The following NRG3 variants were observed in gnomAD, a reference collection of about 807,000 sequenced individuals.
NRG3 encodes the protein pro-neuregulin-3, membrane-bound isoform.
A neutral mutation model predicts 66.9 loss-of-function variants in NRG3; 31 were observed. The ratio of observed to expected loss-of-function variants is 0.46; its 90% CI spans 0.35 to 0.63. The LOEUF is 0.63. Ranked by LOEUF, NRG3 falls within the 20% of genes least tolerant of loss-of-function variation. NRG3 has a pLI of 0.00. For synonymous variants in NRG3, 393 were observed against 359.4 expected, an observed-to-expected ratio of 1.09 and a Z score of -1.06; for missense variants, 910 against 878.9, an observed-to-expected ratio of 1.04 and a Z score of -0.45.
At chr10:82,357,287 C>T (rs1263600176) in intron 1 of NRG3, among the ~76,000 whole-genome samples, 5 of 152,140 alleles carry the variant, frequency 3.3e-5, no homozygotes, top group Non-Finnish European at 7.3e-5. Flanking sequence ...TAAAGTTATT[C>T]CCACAGGAGA....
intron 1 of NRG3, among the ~76,000 whole-genome samples, chr10:82,177,262 A>G (rs1479522530): frequency 2.0e-5 from 3 of 151,914 alleles, no homozygotes; most frequent in Admixed American, 2.0e-4. Context: ...GTGTTTTTTA[A>G]TCTAAGGAGA....
At chr10:82,120,109 A>G (rs1791560182) in intron 1 of NRG3, among the ~76,000 whole-genome samples, 2 of 152,164 alleles carry the variant, frequency 1.3e-5, no homozygotes, top group South Asian at 4.1e-4. Flanking sequence ...ATTCAGGAAA[A>G]GAACTCTTTG....
chr10:81,935,912 CACACACA>C (rs1463014174), intron 1 of NRG3, among the ~76,000 whole-genome samples: 6 of 149,186 alleles, frequency 4.0e-5, no homozygotes, highest in African/African-American at 1.3e-4. Flanking sequence ...CACACACACA[CACACACA>C]CACACAGTTT....
intron 1 of NRG3, among the ~76,000 whole-genome samples, chr10:82,201,726 T>C (rs1365482081): frequency 5.3e-5 from 8 of 152,198 alleles, no homozygotes; most frequent in Non-Finnish European, 7.3e-5. Context: ...CAAAGGTAAC[T>C]ATTAAGAAAG....
chr10:82,541,143 C>T (rs1565046503), intron 2 of NRG3, among the ~76,000 whole-genome samples: 1 of 152,134 alleles, frequency 6.6e-6, no homozygotes, highest in Non-Finnish European at 1.5e-5. Context: ...CTTTAAGCTA[C>T]TCAGTCACTG....
intron 1 of NRG3, among the ~76,000 whole-genome samples, chr10:82,108,774 G>A (rs2067210283): frequency 6.6e-6 from 1 of 152,172 alleles, no homozygotes; most frequent in South Asian, 2.1e-4. Context: ...TGAGCACTTT[G>A]ATGTTCCTTA....
intron 2 of NRG3, among the ~76,000 whole-genome samples, chr10:82,528,608 G>A (rs1846948572): frequency 6.6e-6 from 1 of 152,148 alleles, no homozygotes; most frequent in African/African-American, 2.4e-5. Context: ...TTTCTCTGCT[G>A]TCTCGGAGAC....
intron 1 of NRG3, among the ~76,000 whole-genome samples, chr10:82,127,486 TTCTC>T (rs1175203655): frequency 6.6e-6 from 1 of 151,832 alleles, no homozygotes; most frequent in Non-Finnish European, 1.5e-5. Flanking sequence ...GAGAAGTTGG[TTCTC>T]TCTCTCTCTT....
chr10:82,877,537 C>CTTTTTTT (rs61471998), intron 4 of NRG3, among the ~76,000 whole-genome samples: 8 of 74,942 alleles, frequency 1.1e-4, no homozygotes, highest in Admixed American at 1.9e-4. Context: ...CCACACCCGG[C>CTTTTTTT]TTTTTTTTTT....
intron 1 of NRG3, among the ~76,000 whole-genome samples, chr10:82,037,425 C>G (rs1192152231): frequency 6.6e-6 from 1 of 152,178 alleles, no homozygotes; most frequent in Non-Finnish European, 1.5e-5. Context: ...TGCATTGTCT[C>G]TGGTGTAGGC....
rs934877756 is a variant in NRG3, at chr10:82,643,470, C to T, written c.954-95107C>T. Among the ~76,000 whole-genome samples, 6 of 152,058 alleles carry T rather than the reference C, an allele frequency of 3.9e-5. No individual in the cohort carries two copies. The East Asian group carries it at 1.2e-3, about 29-fold the overall frequency. ...CTTTCTTTTCTAAATTGCCCAGGCTCGGGTATGTATTTATCAGCAGTGTGA... is the reference window on the plus strand; with the variant it reads ...CTTTCTTTTCTAAATTGCCCAGGCTTGGGTATGTATTTATCAGCAGTGTGA... On this transcript the variant is annotated intron_variant, in intron 2 of 8. Coordinates refer to ENST00000372141, the MANE Select transcript of NRG3 (RefSeq NM_001010848.4).
chr10:82,573,315 T>G (rs2045848670), intron 2 of NRG3, among the ~76,000 whole-genome samples: 1 of 151,800 alleles, frequency 6.6e-6, no homozygotes, highest in Admixed American at 6.6e-5. Flanking sequence ...ATTTTGAGAT[T>G]CTGTTGGTTT....
chr10:82,409,898 CA>C (rs905192766), intron 2 of NRG3, among the ~76,000 whole-genome samples: 1 of 152,166 alleles, frequency 6.6e-6, no homozygotes, highest in Non-Finnish European at 1.5e-5. Flanking sequence ...AAAGCATCTA[CA>C]TGTGGCTTTG....
At chr10:81,981,631 C>G (rs1237437286) in intron 1 of NRG3, among the ~76,000 whole-genome samples, 1 of 152,236 alleles carries the variant, frequency 6.6e-6, no homozygotes, top group East Asian at 1.9e-4. Context: ...AAGAAAGAGA[C>G]AGCCTTGGCT....
chr10:81,876,222 GCTGT>G (rs1478002125), intron 1 of NRG3, 59 bp downstream of exon 1: 7 of 1,508,524 alleles, frequency 4.6e-6, no homozygotes, highest in Middle Eastern at 1.7e-4. Flanking sequence ...CTGCCCTCCT[GCTGT>G]CTTTTTCCCT....
At chr10:82,298,620 A>G (rs2080213735) in intron 1 of NRG3, among the ~76,000 whole-genome samples, 1 of 152,122 alleles carries the variant, frequency 6.6e-6, no homozygotes, top group African/African-American at 2.4e-5. Flanking sequence ...GACAGTCATC[A>G]TTAGATTATG....
intron 1 of NRG3, among the ~76,000 whole-genome samples, chr10:81,876,675 A>G (rs1345033625): frequency 2.0e-5 from 3 of 152,150 alleles, no homozygotes; most frequent in African/African-American, 7.2e-5. Flanking sequence ...GATGGAGATA[A>G]TGGTAGAATG....
chr10:82,055,053 A>G (rs1240049142), intron 1 of NRG3, among the ~76,000 whole-genome samples: 1 of 151,490 alleles, frequency 6.6e-6, no homozygotes, highest in Non-Finnish European at 1.5e-5. Context: ...AAAGAAGGGA[A>G]AAGAAGAAAG....
At chr10:82,675,961 A>G (rs931721851) in intron 2 of NRG3, among the ~76,000 whole-genome samples, 1 of 152,218 alleles carries the variant, frequency 6.6e-6, no homozygotes, top group Non-Finnish European at 1.5e-5. Flanking sequence ...ATCCAAATAT[A>G]AAAATATTCA....
Sources: gnomAD v4.1 joint callset for allele counts (sites outside exome capture counted in the v4.1 genomes callset) on GRCh38, gnomAD v4.1.1 for gene constraint, MANE v1.5 for transcripts, NCBI Gene and HGNC (gene_info 2026-07-23, HGNC 2026-07-21) for gene names.